Variants in PTPRT observed in about 807,000 individuals in gnomAD.
The protein encoded by PTPRT is receptor-type tyrosine-protein phosphatase T.
Under a neutral mutation model 176.8 loss-of-function variants are expected in PTPRT, and 56 were observed. That is an observed-to-expected ratio of 0.32 (90% CI 0.26 to 0.40). The LOEUF is 0.40. Among genes scored for constraint, PTPRT ranks in the 10% least tolerant of loss-of-function variants. The pLI is 1.00. For synonymous variants in PTPRT, 783 were observed against 739.0 expected, an observed-to-expected ratio of 1.06 and a Z score of -0.96; for missense variants, 1,540 against 1,908.2, an observed-to-expected ratio of 0.81 and a Z score of 3.60.
chr20:42,284,242 T>C (rs1440870532), intron 12 of PTPRT, among the ~76,000 whole-genome samples: 7 of 152,040 alleles, frequency 4.6e-5, no homozygotes, highest in Non-Finnish European at 1.0e-4. Context: ...TCCTTACTTA[T>C]ATTGGGCTTC....
intron 6 of PTPRT, among the ~76,000 whole-genome samples, chr20:42,738,730 G>A (rs753914281): frequency 7.2e-5 from 11 of 152,258 alleles, no homozygotes; most frequent in African/African-American, 2.2e-4. Flanking sequence ...GGCATTTGGA[G>A]ACTAAGATGG....
chr20:43,151,632 C>T (rs1263998096), intron 1 of PTPRT, among the ~76,000 whole-genome samples: 2 of 152,052 alleles, frequency 1.3e-5, no homozygotes, highest in East Asian at 3.9e-4. Flanking sequence ...AAGGCTGAGG[C>T]AGGAGGATCA....
chr20:42,231,353 C>G (rs1457698923), intron 15 of PTPRT, among the ~76,000 whole-genome samples: 1 of 152,098 alleles, frequency 6.6e-6, no homozygotes, highest in Non-Finnish European at 1.5e-5. Flanking sequence ...CAAACTTAAC[C>G]CTGCTGCATT....
At chr20:42,592,729 G>A (rs933713696) in intron 7 of PTPRT, among the ~76,000 whole-genome samples, 8 of 152,122 alleles carry the variant, frequency 5.3e-5, no homozygotes, top group Non-Finnish European at 1.0e-4. Context: ...GCTCAAGTTT[G>A]GGGTGTCTGC....
chr20:42,590,207 C>T (rs376367426), intron 7 of PTPRT, among the ~76,000 whole-genome samples: 21 of 152,258 alleles, frequency 1.4e-4, no homozygotes, highest in East Asian at 1.4e-3. Flanking sequence ...CCAGCATTAA[C>T]CTCCAGACTT....
At chr20:42,184,544 T>TTCCTCTTCTTCTTCTTCC (rs1385934478) in intron 16 of PTPRT, among the ~76,000 whole-genome samples, 1 of 101,780 alleles carries the variant, frequency 9.8e-6, no homozygotes, top group African/African-American at 4.2e-5. Flanking sequence ...CCTCTTCCTC[T>TTCCTCTTCTTCTTCTTCC]TCTTCTTCTT....
At chr20:42,940,078 A>G (rs1980443622) in intron 1 of PTPRT, among the ~76,000 whole-genome samples, 1 of 152,210 alleles carries the variant, frequency 6.6e-6, no homozygotes, top group African/African-American at 2.4e-5. Context: ...TCTTTAAAAT[A>G]TAATCCCCCC....
In PTPRT at chr20:42,110,382, C is replaced by T. The variant is rs2146291155; in HGVS notation, c.3205G>A (p.Val1069Ile). 1 of 1,612,586 alleles carries T rather than the reference C, an allele frequency of 6.2e-7. No individual in the cohort carries two copies. The highest frequency in any genetic ancestry group is 1.3e-5 in the African/African-American group (1 of 75,030). Residue 1069 changes from valine (V) to isoleucine (I), a missense_variant, in exon 23 of 31, where the codon GTC becomes ATC. Val to Ile is a conservative substitution (Grantham distance 29). Around this residue, in one of 11 missense-constraint regions of PTPRT, gnomAD observed 248 missense variants for 356.7 expected, o/e 0.70. Coordinates refer to ENST00000373187, the MANE Select transcript of PTPRT (RefSeq NM_007050.6). ...GCTTCCGGGGGGTTGAGGAACTTGA[C>T]CTGGCGGACGAAGCCCAGAAGGCCA... is the stretch of plus-strand genomic sequence containing the variant. ...ATGLLGFVRQ[V>I]KFLNPPEAGP... is the part of the protein sequence containing the mutation.
In PTPRT at chr20:42,807,896, G is replaced by A. The variant is rs1600768102; in HGVS notation, c.215-16430C>T. Among the ~76,000 whole-genome samples the A allele has an allele frequency of 3.9e-5, 6 of 152,164 alleles. No individual in the cohort carries two copies. In the South Asian group the frequency reaches 1.2e-3, roughly 32 times the overall value. On this transcript the variant is annotated intron_variant, in intron 2 of 30. Coordinates refer to ENST00000373187, the MANE Select transcript of PTPRT (RefSeq NM_007050.6). The stretch of plus-strand genomic sequence containing the variant: ...CTTGAAGACATCTTGCTCTAAATGG[G>A]TATGGTGCATCTGGTGATGCCCTGC...
intron 7 of PTPRT, among the ~76,000 whole-genome samples, chr20:42,557,440 G>A (rs763329998): frequency 6.6e-6 from 1 of 152,022 alleles, no homozygotes; most frequent in Admixed American, 6.6e-5. Flanking sequence ...CAGGTCATGG[G>A]CAGGTAGAAT....
chr20:42,916,330 T>C (rs1978753336), intron 1 of PTPRT, among the ~76,000 whole-genome samples: 2 of 152,204 alleles, frequency 1.3e-5, no homozygotes, highest in African/African-American at 4.8e-5. Flanking sequence ...TTCCATGGTG[T>C]ATATGTGCCA....
At chr20:43,018,284 GA>G (rs200348222) in intron 1 of PTPRT, among the ~76,000 whole-genome samples, 49 of 152,070 alleles carry the variant, frequency 3.2e-4, no homozygotes, top group African/African-American at 1.2e-3. Context: ...TCATTTTTTG[GA>G]AAACAACGTT....
chr20:42,308,364 A>T (rs2057576753), intron 12 of PTPRT, among the ~76,000 whole-genome samples: 1 of 152,148 alleles, frequency 6.6e-6, no homozygotes, highest in Admixed American at 6.5e-5. Flanking sequence ...ACTAAGAGGA[A>T]TACAGCCTGG....
intron 1 of PTPRT, among the ~76,000 whole-genome samples, chr20:43,044,038 G>A (rs1986738385): frequency 6.6e-6 from 1 of 152,102 alleles, no homozygotes; most frequent in African/African-American, 2.4e-5. Flanking sequence ...CAGGAGAAGT[G>A]TCTGCGAGAT....
intron 15 of PTPRT, among the ~76,000 whole-genome samples, chr20:42,201,797 C>T (rs994640426): frequency 2.0e-5 from 3 of 150,240 alleles, no homozygotes; most frequent in Non-Finnish European, 1.5e-5. Context: ...TCGCCTGTGG[C>T]AGTTCTCACT....
the PTPRT span, among the ~76,000 whole-genome samples, chr20:42,036,580 G>A: frequency 6.6e-6 from 1 of 152,166 alleles, no homozygotes; most frequent in Non-Finnish European, 1.5e-5. Context: ...ATAAGATAAT[G>A]ATTGGGTTTA....
intron 4 of PTPRT, among the ~76,000 whole-genome samples, chr20:42,779,656 G>T (rs936222456): frequency 7.2e-5 from 11 of 152,124 alleles, no homozygotes; most frequent in African/African-American, 2.4e-4. Context: ...GAAGTAGATG[G>T]GTATGGAGGA....
intron 17 of PTPRT, among the ~76,000 whole-genome samples, chr20:42,147,353 G>A (rs1297352461): frequency 6.6e-6 from 1 of 152,180 alleles, no homozygotes; most frequent in African/African-American, 2.4e-5. Context: ...CAGCTGATAA[G>A]TGGATCCATA....
chr20:43,066,589 C>T (rs979008265), intron 1 of PTPRT, among the ~76,000 whole-genome samples: 3 of 152,148 alleles, frequency 2.0e-5, no homozygotes, highest in Non-Finnish European at 4.4e-5. Context: ...GTATTCCAAC[C>T]GAATTGCACT....
Sources: allele counts gnomAD v4.1 joint callset (sites outside exome capture counted in the v4.1 genomes callset), GRCh38; gene constraint gnomAD v4.1.1; regional missense constraint gnomAD v4.1.1; transcripts MANE v1.5; gene names NCBI Gene and HGNC (gene_info 2026-07-23, HGNC 2026-07-21).